Variants in FKBP5 observed in about 807,000 individuals in gnomAD.
FKBP5 encodes FKBP prolyl isomerase 5.
Under a neutral mutation model 50.5 loss-of-function variants are expected in FKBP5, and 23 were observed. The observed-to-expected ratio is 0.46, with a 90% CI of 0.33 to 0.65. The LOEUF is 0.65. FKBP5 is among the 30% of genes least tolerant of loss of function. The pLI is 0.02. For missense variants in FKBP5, 411 were observed against 553.1 expected (o/e 0.74, Z 2.58); for synonymous variants, 176 against 190.6 (o/e 0.92, Z 0.63).
At chr6:35,649,433 G>GTT (rs11414221) in intron 1 of FKBP5, among the ~76,000 whole-genome samples, 16,324 of 147,306 alleles carry the variant, frequency 0.11, 1,586 homozygotes, top group African/African-American at 0.27. Context: ...TGGCTAAAAG[G>GTT]TTTTTTTTTT....
chr6:35,719,758 C>A (rs1484681383), intron 2 of FKBP5, among the ~76,000 whole-genome samples: 3 of 152,314 alleles, frequency 2.0e-5, no homozygotes, highest in African/African-American at 7.2e-5. Context: ...AGCCCACAGG[C>A]TTTGGAACCT....
intron 2 of FKBP5, among the ~76,000 whole-genome samples, chr6:35,700,185 C>G (rs1341957555): frequency 6.6e-6 from 1 of 152,052 alleles, no homozygotes; most frequent in Non-Finnish European, 1.5e-5. Flanking sequence ...TTTTCTGAGA[C>G]AGTCTCGCTC....
At chr6:35,647,841 T>C (rs1764672337) in intron 1 of FKBP5, among the ~76,000 whole-genome samples, 1 of 152,228 alleles carries the variant, frequency 6.6e-6, no homozygotes, top group Admixed American at 6.5e-5. Context: ...CCTTAATTCC[T>C]GCAGGGGCCT....
chr6:35,672,468 TGC>T (rs1361463585), intron 1 of FKBP5, among the ~76,000 whole-genome samples: 2 of 151,464 alleles, frequency 1.3e-5, no homozygotes, highest in Non-Finnish European at 2.9e-5. Context: ...TCCAGAAGCT[TGC>T]TTTTTTTTTT....
chr6:35,654,621 T>C (rs932633081), intron 1 of FKBP5, among the ~76,000 whole-genome samples: 11 of 152,184 alleles, frequency 7.2e-5, no homozygotes, highest in Admixed American at 6.5e-4. Flanking sequence ...TTGCCTTTTT[T>C]GTTTGTTTGT....
At chr6:35,598,983 T>A (rs1250647334) in intron 5 of FKBP5, among the ~76,000 whole-genome samples, 5 of 151,484 alleles carry the variant, frequency 3.3e-5, no homozygotes, top group South Asian at 2.1e-4. Context: ...TCAAAATAAA[T>A]AAAAAAATAA....
At chr6:35,624,002 GT>G (rs1215903922) in intron 3 of FKBP5, among the ~76,000 whole-genome samples, 2 of 151,388 alleles carry the variant, frequency 1.3e-5, no homozygotes, top group Non-Finnish European at 2.9e-5. Flanking sequence ...CATCAGCCCA[GT>G]TTTTTTCCTT....
chr6:35,655,356 A>G (rs567612287), intron 1 of FKBP5, among the ~76,000 whole-genome samples: 3 of 152,290 alleles, frequency 2.0e-5, no homozygotes, highest in Admixed American at 6.5e-5. Context: ...AAGGGTGAAG[A>G]CAGTAGGAAT....
intron 8 of FKBP5, chr6:35,580,927 C>T (rs1762409734): frequency 1.0e-6 from 1 of 985,220 alleles, no homozygotes; most frequent in Non-Finnish European, 1.2e-6. Context: ...CTTTTCAGCA[C>T]TTCACAGCAA....
chr6:35,586,945 C>A (rs752578223), intron 8 of FKBP5, 89 bp downstream of exon 8: 27 of 1,581,956 alleles, frequency 1.7e-5, no homozygotes, highest in Non-Finnish European at 2.3e-5. Context: ...GCAGTGTTGA[C>A]AAAATTCAGA....
At chr6:35,615,895 C>G (rs1479042542) in intron 5 of FKBP5, among the ~76,000 whole-genome samples, 1 of 151,628 alleles carries the variant, frequency 6.6e-6, no homozygotes, top group Non-Finnish European at 1.5e-5. Context: ...TATCATATAC[C>G]TCTTGATAAT....
chr6:35,687,262 G>A (rs1002738657), intron 1 of FKBP5, among the ~76,000 whole-genome samples: 3 of 152,074 alleles, frequency 2.0e-5, no homozygotes, highest in Non-Finnish European at 4.4e-5. Flanking sequence ...AATAACCCTC[G>A]TTTTAAAAAT....
intron 1 of FKBP5, among the ~76,000 whole-genome samples, chr6:35,721,875 G>A (rs1410808063): frequency 1.3e-5 from 2 of 152,200 alleles, no homozygotes; most frequent in Admixed American, 6.5e-5. Context: ...TCCTTGCAGA[G>A]GATTACTGGA....
chr6:35,684,390 C>A (rs1331230817), intron 1 of FKBP5, among the ~76,000 whole-genome samples: 1 of 152,050 alleles, frequency 6.6e-6, no homozygotes, highest in Non-Finnish European at 1.5e-5. Flanking sequence ...GTTTCCCAGG[C>A]TGGTCTCAAA....
intron 5 of FKBP5, among the ~76,000 whole-genome samples, chr6:35,599,812 C>T (rs185522002): frequency 1.3e-5 from 2 of 152,258 alleles, no homozygotes; most frequent in African/African-American, 4.8e-5. Context: ...TAACTTGTAG[C>T]AAATTGAAAG....
chr6:35,595,113 T>G (rs989550057), intron 6 of FKBP5, among the ~76,000 whole-genome samples: 4 of 152,208 alleles, frequency 2.6e-5, no homozygotes, highest in African/African-American at 9.7e-5. Context: ...GAGGGGAAAC[T>G]GAAGCTTAGG....
Position 35,575,328 on chromosome 6 carries a change from G to C in FKBP5, c.*507C>G, listed in dbSNP as rs545108030. 6.5e-6 allele frequency: 1 copy of C among 154,374 alleles called. No homozygotes were observed. Among genetic ancestry groups the C allele is most frequent in the Non-Finnish European group, 1.4e-5 (1 of 69,128 alleles). The allele number at this position is 154,374 out of a possible 1,614,324, so 9.6% of individuals were successfully genotyped here. Reference sequence around the variant, plus strand: ...ATGAGACCCCTCTACTGTGGGTTCTGTTGGTTAAAAATGCAACAGACTACA... The same window carrying C: ...ATGAGACCCCTCTACTGTGGGTTCTCTTGGTTAAAAATGCAACAGACTACA... On this transcript the variant is annotated 3_prime_UTR_variant, in exon 11 of 11. Coordinates refer to ENST00000357266, the MANE Select transcript of FKBP5 (RefSeq NM_004117.4).
chr6:35,698,715 A>C (rs1420099457), intron 2 of FKBP5, among the ~76,000 whole-genome samples: 7 of 152,194 alleles, frequency 4.6e-5, no homozygotes, highest in Non-Finnish European at 2.9e-5. Flanking sequence ...CTGTACAGGA[A>C]GCATAGTGAT....
At position 35,606,423 on chromosome 6, in the gene FKBP5, C is replaced by G. The variant is rs113958566; in HGVS notation, c.509-9019G>C. Among the ~76,000 whole-genome samples the G allele has an allele frequency of 5.1e-3, 777 of 151,792 alleles. 8 individuals carry two copies. The highest frequency in any genetic ancestry group is 0.017 in the African/African-American group (707 of 41,394). ...CTTTAATCCCAGCACTTTGGGAGGC[C>G]GAGGCAGGCAGATCATGAGGTCAGG... On this transcript the variant is annotated intron_variant, in intron 5 of 10. Coordinates refer to ENST00000357266, the MANE Select transcript of FKBP5 (RefSeq NM_004117.4).
Sources: gnomAD v4.1 joint callset for allele counts (sites outside exome capture counted in the v4.1 genomes callset) on GRCh38, gnomAD v4.1.1 for gene constraint, MANE v1.5 for transcripts, NCBI Gene and HGNC (gene_info 2026-07-23, HGNC 2026-07-21) for gene names.